LUZP1: variants seen among roughly 807,000 people sequenced by gnomAD.
The protein encoded by LUZP1 is leucine zipper protein 1, also known as filamin mechanobinding actin cross-linking protein.
LUZP1 carries 25 observed loss-of-function variants against 71.3 expected under a neutral mutation model. The ratio of observed to expected loss-of-function variants is 0.35; its 90% CI spans 0.26 to 0.49. The LOEUF is 0.49. Among genes scored for constraint, LUZP1 ranks in the 20% least tolerant of loss-of-function variants. The pLI is 0.99. For synonymous variants in LUZP1, 481 were observed against 506.4 expected, an observed-to-expected ratio of 0.95 and a Z score of 0.67; for missense variants, 1,142 against 1,300.8, an observed-to-expected ratio of 0.88 and a Z score of 1.88.
rs186308115 is a variant in LUZP1 at position 23,096,471 on chromosome 1, T to C, written c.-119-2091A>G. ...AGAATTTTCAAGAGTTGATTAAAGA[T>C]ATGGACCTCACATTCAGGAAGCAAT... On this transcript the variant is annotated intron_variant, in intron 3 of 4. Transcript: ENST00000302291. 2.7e-3 allele frequency among the ~76,000 whole-genome samples: 404 copies of C among 152,206 alleles called. 4 individuals carry two copies. Among genetic ancestry groups the C allele is most frequent in the African/African-American group, 9.0e-3 (374 of 41,522 alleles).
intron 1 of LUZP1, among the ~76,000 whole-genome samples, chr1:23,175,282 G>A (rs1360432167): frequency 6.6e-6 from 1 of 152,142 alleles, no homozygotes; most frequent in Non-Finnish European, 1.5e-5. Flanking sequence ...GGGTGGCTTT[G>A]GGCAAGTCAT....
At position 23,091,459 on chromosome 1, in the gene LUZP1, C is replaced by G. The variant is rs771809598; in HGVS notation, c.2803G>C (p.Asp935His). ...TTTTTACCTATTCGAGTTGGGGGGT[C>G]TTCTAAAGATTTCAAGTCTCGCCTA... The change falls in exon 4 of 5, where the codon GAC becomes CAC. Residue 935 changes from aspartate to histidine, a missense_variant. Physicochemically the swap from Asp to His is moderately conservative, Grantham distance 81. Transcript: ENST00000302291. 4.3e-6 allele frequency: 7 copies of G among 1,614,032 alleles called. No individual in the cohort carries two copies. The Admixed American group carries it at 1.2e-4, about 27-fold the overall frequency.
intron 2 of LUZP1, among the ~76,000 whole-genome samples, chr1:23,137,758 G>A (rs1260778992): frequency 1.3e-5 from 2 of 152,144 alleles, no homozygotes; most frequent in Non-Finnish European, 2.9e-5. Flanking sequence ...GATTGCTATT[G>A]AGAATGTAAC....
intron 2 of LUZP1, among the ~76,000 whole-genome samples, chr1:23,113,385 C>A (rs184582269): frequency 5.5e-4 from 83 of 151,802 alleles, no homozygotes; most frequent in Middle Eastern, 3.4e-3. Flanking sequence ...CCAGCCTGGG[C>A]GACTGAGTGA....
chr1:23,091,115 C>T, intron 4 of LUZP1, 75 bp downstream of exon 3: 3 of 1,414,034 alleles, frequency 2.1e-6, no homozygotes, highest in Non-Finnish European at 2.9e-6. Context: ...CAGGCCAGAG[C>T]AGAGGGGAAA....
chr1:23,176,013 A>T (rs1043251907), intron 1 of LUZP1, among the ~76,000 whole-genome samples: 1 of 151,580 alleles, frequency 6.6e-6, no homozygotes, highest in African/African-American at 2.4e-5. Flanking sequence ...CTACTAGAAA[A>T]CACTGTCTCT....
intron 2 of LUZP1, among the ~76,000 whole-genome samples, chr1:23,151,269 C>G (rs1644380927): frequency 1.3e-5 from 2 of 152,118 alleles, no homozygotes; most frequent in African/African-American, 4.8e-5. Context: ...GTCTTGAACT[C>G]CTGATCTCAG....
At chr1:23,134,877 T>C (rs1644242028) in intron 2 of LUZP1, among the ~76,000 whole-genome samples, 1 of 152,100 alleles carries the variant, frequency 6.6e-6, no homozygotes, top group Admixed American at 6.6e-5. Flanking sequence ...CGCAGGTTGG[T>C]TACACAGGTA....
chr1:23,163,972 A>AAAT (rs1271148113), intron 2 of LUZP1: 1 of 152,204 alleles, frequency 6.6e-6, no homozygotes, highest in African/African-American at 2.4e-5. Flanking sequence ...TCTGCAGCAC[A>AAAT]AATACTAAAA....
At chr1:23,162,220 G>A (rs1644472863) in intron 2 of LUZP1, among the ~76,000 whole-genome samples, 2 of 151,884 alleles carry the variant, frequency 1.3e-5, no homozygotes, top group South Asian at 2.1e-4. Context: ...AGTCAGGATG[G>A]TGATTACCCT....
intron 3 of LUZP1, among the ~76,000 whole-genome samples, chr1:23,102,819 A>T (rs950268114): frequency 6.6e-6 from 1 of 152,232 alleles, no homozygotes. Flanking sequence ...TTAAAAATTT[A>T]AAAAGCAAAA....
At chr1:23,153,150 G>A (rs1644396971) in intron 2 of LUZP1, among the ~76,000 whole-genome samples, 1 of 152,102 alleles carries the variant, frequency 6.6e-6, no homozygotes, top group Admixed American at 6.5e-5. Context: ...CAGTATGACT[G>A]TTAAGACTGT....
rs547084105 is a variant in LUZP1 at position 23,143,108 on chromosome 1, G to A, written c.-226+25658C>T. On this transcript the variant is annotated intron_variant, in intron 2 of 4. Transcript: ENST00000302291. ...AGTGCAACCTCCATCTCCTGGGTTC[G>A]AGCAATTCCCCTGCCTCAGCCTCCA... Among the ~76,000 whole-genome samples the A allele has an allele frequency of 8.6e-5, 13 of 151,856 alleles. No individual in the cohort carries two copies. The South Asian group carries it at 2.3e-3, about 27-fold the overall frequency.
Position 23,093,809 on chromosome 1 carries a change from G to T in LUZP1, c.453C>A (p.Ile151=). Residue 151 remains isoleucine (I), a synonymous_variant, in exon 4 of 5, where the codon ATC becomes ATA. Coordinates refer to ENST00000302291, the Ensembl canonical transcript of LUZP1. The surrounding 1 kb of genome is among the most constrained non-coding windows in gnomAD (Gnocchi z 4.2). ...CTCTGAGCATTTCCAGCTCAGAGGAGATTTTCTTGGTCAGATTTCTCTCCT... is the reference window on the plus strand; with the variant it reads ...CTCTGAGCATTTCCAGCTCAGAGGATATTTTCTTGGTCAGATTTCTCTCCT... 1 of 1,613,988 alleles carries T rather than the reference G, an allele frequency of 6.2e-7. No individual in the cohort carries two copies. Among genetic ancestry groups the T allele is most frequent in the Non-Finnish European group, 8.5e-7 (1 of 1,179,988 alleles).
At chr1:23,124,214 A>T (rs1644152754) in intron 2 of LUZP1, among the ~76,000 whole-genome samples, 1 of 152,228 alleles carries the variant, frequency 6.6e-6, no homozygotes, top group African/African-American at 2.4e-5. Context: ...ATCAAAGAAT[A>T]TCAGAGCTGG....
rs563582321 is a variant in LUZP1, at chr1:23,136,774, G to A, written c.-225-27647C>T. Among the ~76,000 whole-genome samples the A allele has an allele frequency of 3.2e-4, 49 of 152,254 alleles. 1 individual carries two copies. Among genetic ancestry groups the A allele is most frequent in the East Asian group, 9.7e-4 (5 of 5,180 alleles). On this transcript the variant is annotated intron_variant, in intron 2 of 4. Transcript: ENST00000302291. ...ATACTAAAAATACAAAAAAGTAGCC[G>A]GGCGTGGTGGTGGGTGCCTGTAGTC...
intron 3 of LUZP1, among the ~76,000 whole-genome samples, chr1:23,100,448 CCT>C (rs1643921821): frequency 1.3e-5 from 2 of 152,298 alleles, no homozygotes; most frequent in South Asian, 4.1e-4. Flanking sequence ...ATTCTCTCCC[CCT>C]GACCTGCTGG....
chr1:23,089,032 T>C (rs1643812766), exon 5 of LUZP1: 1 of 1,613,924 alleles, frequency 6.2e-7, no homozygotes, highest in Non-Finnish European at 8.5e-7. Context: ...ACACTGAGTG[T>C]ACAGTCTTCC....
intron 2 of LUZP1, among the ~76,000 whole-genome samples, chr1:23,126,079 T>C (rs1644169826): frequency 6.6e-6 from 1 of 152,160 alleles, no homozygotes; most frequent in Non-Finnish European, 1.5e-5. Context: ...GTGAAGTGTG[T>C]ATGGGAGGGC....
Sources: gnomAD v4.1 joint callset for allele counts (sites outside exome capture counted in the v4.1 genomes callset) on GRCh38, gnomAD v4.1.1 for gene constraint, Gnocchi (gnomAD v3.1) non-coding constraint, MANE v1.5 for transcripts, NCBI Gene and HGNC (gene_info 2026-07-23, HGNC 2026-07-21) for gene names.